PPARGC1A: variants seen among roughly 807,000 people sequenced by gnomAD.
The protein encoded by PPARGC1A is peroxisome proliferator-activated receptor gamma coactivator 1-alpha.
A neutral mutation model predicts 88.7 loss-of-function variants in PPARGC1A; 25 were observed. That is an observed-to-expected ratio of 0.28 (90% confidence interval 0.21 to 0.39). PPARGC1A has a LOEUF of 0.39. Ranked by LOEUF, PPARGC1A falls within the 10% of genes least tolerant of loss-of-function variation. The pLI, the probability that PPARGC1A is intolerant of heterozygous loss-of-function variation, is 1.00. For synonymous variants in PPARGC1A, 363 were observed against 355.6 expected (o/e 1.02, Z -0.24); for missense variants, 880 against 968.7 (o/e 0.91, Z 1.22).
chr4:23,935,281 T>A, the PPARGC1A span, among the ~76,000 whole-genome samples: 1 of 152,178 alleles, frequency 6.6e-6, no homozygotes. Flanking sequence ...GACTTGGTCA[T>A]TAATAAATCC....
At chr4:24,153,584 C>T in the PPARGC1A span, among the ~76,000 whole-genome samples, 22 of 152,174 alleles carry the variant, frequency 1.4e-4, no homozygotes, top group African/African-American at 4.6e-4. Flanking sequence ...AGAAAGCAAA[C>T]TGAAATATTT....
At chr4:24,194,538 G>A in the PPARGC1A span, among the ~76,000 whole-genome samples, 7 of 151,804 alleles carry the variant, frequency 4.6e-5, no homozygotes, top group South Asian at 1.0e-3. Flanking sequence ...AGCACCCCTT[G>A]CAGTTTTGTC....
At chr4:23,918,237 TG>T in the PPARGC1A span, among the ~76,000 whole-genome samples, 1 of 151,972 alleles carries the variant, frequency 6.6e-6, no homozygotes. Flanking sequence ...TTCTTTTTTT[TG>T]GGGGGATGGA....
At chr4:23,844,614 A>T (rs1161004400) in intron 2 of PPARGC1A, among the ~76,000 whole-genome samples, 21 of 93,570 alleles carry the variant, frequency 2.2e-4, no homozygotes, top group Non-Finnish European at 3.9e-4. Flanking sequence ...ATATAGTAAT[A>T]TATTATATTA....
the PPARGC1A span, among the ~76,000 whole-genome samples, chr4:24,265,067 G>A: frequency 0.02 from 3,020 of 152,162 alleles, 106 homozygotes; most frequent in African/African-American, 0.069. Context: ...ATGTGACCAC[G>A]GAACCCTTTG....
chr4:24,263,760 ATTTTTT>A, the PPARGC1A span, among the ~76,000 whole-genome samples: 2 of 151,836 alleles, frequency 1.3e-5, no homozygotes, highest in Admixed American at 1.3e-4. Context: ...TATGATTTTT[ATTTTTT>A]TGAGACAGGG....
the PPARGC1A span, among the ~76,000 whole-genome samples, chr4:24,438,041 G>A: frequency 6.6e-6 from 1 of 152,126 alleles, no homozygotes; most frequent in Non-Finnish European, 1.5e-5. Context: ...TAACTGCAAG[G>A]AGCAGCACAG....
the PPARGC1A span, among the ~76,000 whole-genome samples, chr4:24,215,872 G>A: frequency 6.6e-6 from 1 of 152,186 alleles, no homozygotes; most frequent in South Asian, 2.1e-4. Flanking sequence ...CTATAGAGAG[G>A]GCAAACCCTA....
chr4:23,874,854 A>G (rs1714368702), intron 2 of PPARGC1A, among the ~76,000 whole-genome samples: 1 of 152,156 alleles, frequency 6.6e-6, no homozygotes, highest in Non-Finnish European at 1.5e-5. Flanking sequence ...GCTTCAACCA[A>G]TTTACAAGTG....
At chr4:24,393,013 GCACACACACACA>G in the PPARGC1A span, among the ~76,000 whole-genome samples, 11 of 146,042 alleles carry the variant, frequency 7.5e-5, no homozygotes, top group South Asian at 8.9e-4. Flanking sequence ...TGCTCCATCA[GCACACACACACA>G]CACACACACA....
At chr4:24,194,108 G>A in the PPARGC1A span, among the ~76,000 whole-genome samples, 7 of 132,014 alleles carry the variant, frequency 5.3e-5, no homozygotes, top group South Asian at 4.9e-4. Context: ...CAGCCTGGGC[G>A]ACAGGAGCAA....
At chr4:24,187,034 T>C in the PPARGC1A span, among the ~76,000 whole-genome samples, 1 of 152,172 alleles carries the variant, frequency 6.6e-6, no homozygotes, top group African/African-American at 2.4e-5. Flanking sequence ...AACTGCAATT[T>C]CTGTTGCTTC....
At chr4:24,222,828 T>C in the PPARGC1A span, among the ~76,000 whole-genome samples, 1 of 152,232 alleles carries the variant, frequency 6.6e-6, no homozygotes, top group Non-Finnish European at 1.5e-5. Context: ...ACTTTGTCAA[T>C]AATAACACCT....
chr4:24,456,464 G>A, the PPARGC1A span, among the ~76,000 whole-genome samples: 3 of 152,118 alleles, frequency 2.0e-5, no homozygotes, highest in Non-Finnish European at 2.9e-5. Flanking sequence ...TATTCCATAC[G>A]ATATTTGCTA....
the PPARGC1A span, among the ~76,000 whole-genome samples, chr4:24,008,145 C>T: frequency 1.3e-5 from 2 of 152,150 alleles, no homozygotes; most frequent in South Asian, 2.1e-4. Flanking sequence ...TGCCAGATCT[C>T]GCCCAGCTGG....
intron 2 of PPARGC1A, among the ~76,000 whole-genome samples, chr4:23,871,997 G>T (rs1242126771): frequency 6.6e-6 from 1 of 152,030 alleles, no homozygotes; most frequent in Admixed American, 6.6e-5. Flanking sequence ...CTCTCCCAAG[G>T]GTGCAGGATA....
chr4:23,873,639 C>T (rs1714054521), intron 2 of PPARGC1A, among the ~76,000 whole-genome samples: 1 of 152,124 alleles, frequency 6.6e-6, no homozygotes, highest in Non-Finnish European at 1.5e-5. Context: ...TTCTCTATCT[C>T]AACTAAGTTT....
chr4:23,835,430 G>A (rs539040917), intron 2 of PPARGC1A, among the ~76,000 whole-genome samples: 1 of 151,972 alleles, frequency 6.6e-6, no homozygotes, highest in Admixed American at 6.6e-5. Context: ...CACAATGAGA[G>A]GGAGGATTTG....
chr4:23,840,337 C>T (rs1577465649), intron 2 of PPARGC1A, among the ~76,000 whole-genome samples: 1 of 151,996 alleles, frequency 6.6e-6, no homozygotes, highest in East Asian at 1.9e-4. Flanking sequence ...CTCTGGCAAC[C>T]CCTCATTCAC....
Sources: gnomAD v4.1 joint callset for allele counts (sites outside exome capture counted in the v4.1 genomes callset) on GRCh38, gnomAD v4.1.1 for gene constraint, MANE v1.5 for transcripts, NCBI Gene and HGNC (gene_info 2026-07-23, HGNC 2026-07-21) for gene names.